MGAT4C: variants seen among roughly 807,000 people sequenced by gnomAD.
MGAT4C encodes the protein MGAT4 family member C.
A neutral mutation model predicts 40.1 loss-of-function variants in MGAT4C; 19 were observed. The observed-to-expected ratio is 0.47, with a 90% CI of 0.33 to 0.70. The LOEUF is 0.70. Ranked by LOEUF, MGAT4C falls within the 30% of genes least tolerant of loss-of-function variation. MGAT4C has a pLI of 0.02. For synonymous variants in MGAT4C, 181 were observed against 187.1 expected (o/e 0.97, Z 0.27); for missense variants, 491 against 563.2 (o/e 0.87, Z 1.30).
chr12:86,564,668 A>G (rs1446658829), intron 2 of MGAT4C, among the ~76,000 whole-genome samples: 3 of 152,182 alleles, frequency 2.0e-5, no homozygotes, highest in Non-Finnish European at 4.4e-5. Flanking sequence ...CTAAGGTGAA[A>G]GATAAGTTGC....
chr12:86,096,424 CCTTCCTTTTTTTT>C (rs949711802), intron 1 of MGAT4C, among the ~76,000 whole-genome samples: 4 of 150,600 alleles, frequency 2.7e-5, no homozygotes, highest in African/African-American at 7.3e-5. Context: ...CCTCCCCTTC[CCTTCCTTTTTTTT>C]CTTTCTTTCA....
At chr12:86,486,830 GT>G (rs1958028426) in intron 2 of MGAT4C, among the ~76,000 whole-genome samples, 2 of 152,150 alleles carry the variant, frequency 1.3e-5, no homozygotes, top group South Asian at 2.1e-4. Flanking sequence ...AAGACAGAGT[GT>G]TTTAACGTCA....
chr12:86,490,579 A>C (rs940167879), intron 2 of MGAT4C, among the ~76,000 whole-genome samples: 1 of 152,116 alleles, frequency 6.6e-6, no homozygotes, highest in Non-Finnish European at 1.5e-5. Flanking sequence ...AACAATATTA[A>C]CTTTAAATGT....
intron 1 of MGAT4C, among the ~76,000 whole-genome samples, chr12:86,193,665 C>G (rs886323471): frequency 3.3e-5 from 5 of 152,192 alleles, no homozygotes; most frequent in South Asian, 4.1e-4. Context: ...TATTTTTTAG[C>G]TCTCTAGTAA....
intron 3 of MGAT4C, among the ~76,000 whole-genome samples, chr12:86,415,812 A>G (rs1247585252): frequency 3.9e-5 from 6 of 152,062 alleles, no homozygotes. Context: ...ATGTCCATAC[A>G]ACAAATACAA....
intron 3 of MGAT4C, among the ~76,000 whole-genome samples, chr12:86,424,678 G>T (rs1956891945): frequency 6.6e-6 from 1 of 152,144 alleles, no homozygotes; most frequent in South Asian, 2.1e-4. Flanking sequence ...AATCTCATAT[G>T]CCAAGCACTA....
At chr12:86,515,346 T>A (rs1456672473) in intron 2 of MGAT4C, among the ~76,000 whole-genome samples, 1 of 152,086 alleles carries the variant, frequency 6.6e-6, no homozygotes, top group Non-Finnish European at 1.5e-5. Context: ...CAAAACTATT[T>A]CTCTTCCCAG....
chr12:86,461,603 T>G (rs1555192188), intron 2 of MGAT4C, among the ~76,000 whole-genome samples: 1 of 152,210 alleles, frequency 6.6e-6, no homozygotes, highest in Non-Finnish European at 1.5e-5. Context: ...ACAATTCTTT[T>G]GGTGGGCTTC....
intron 2 of MGAT4C, among the ~76,000 whole-genome samples, chr12:86,444,501 C>T (rs943012616): frequency 1.3e-5 from 2 of 152,128 alleles, no homozygotes; most frequent in Non-Finnish European, 2.9e-5. Context: ...ATATGATTCT[C>T]CATCTGCATA....
At chr12:86,675,812 CT>C (rs1460731473) in intron 2 of MGAT4C, among the ~76,000 whole-genome samples, 1 of 151,934 alleles carries the variant, frequency 6.6e-6, no homozygotes, top group Non-Finnish European at 1.5e-5. Context: ...AAATATTTGT[CT>C]TTTGTTCATA....
chr12:86,705,711 T>G (rs1445126966), intron 2 of MGAT4C, among the ~76,000 whole-genome samples: 1 of 152,128 alleles, frequency 6.6e-6, no homozygotes, highest in Non-Finnish European at 1.5e-5. Flanking sequence ...TTGATATTTA[T>G]GAAGTACAAA....
chr12:86,166,802 TA>T (rs1396101427), intron 1 of MGAT4C, among the ~76,000 whole-genome samples: 4 of 152,044 alleles, frequency 2.6e-5, no homozygotes, highest in African/African-American at 7.2e-5. Flanking sequence ...ATAACGTACA[TA>T]AAAAATTAAA....
At chr12:86,069,078 C>T (rs369701006) in intron 1 of MGAT4C, among the ~76,000 whole-genome samples, 23 of 151,798 alleles carry the variant, frequency 1.5e-4, no homozygotes, top group African/African-American at 1.9e-4. Flanking sequence ...TGCTGCGGTG[C>T]CCTCAGGGAT....
chr12:86,430,966 G>C (rs1957026804), intron 3 of MGAT4C, among the ~76,000 whole-genome samples: 1 of 152,196 alleles, frequency 6.6e-6, no homozygotes, highest in Non-Finnish European at 1.5e-5. Context: ...GTCACTGGGA[G>C]TGTTTCTTTG....
chr12:86,044,579 T>A (rs528450409), intron 2 of MGAT4C, among the ~76,000 whole-genome samples: 1 of 152,122 alleles, frequency 6.6e-6, no homozygotes, highest in African/African-American at 2.4e-5. Context: ...AAGTGAGTGC[T>A]GGCAAAGCAG....
At chr12:86,732,173 G>C (rs1260057501) in intron 1 of MGAT4C, among the ~76,000 whole-genome samples, 1 of 152,122 alleles carries the variant, frequency 6.6e-6, no homozygotes, top group African/African-American at 2.4e-5. Flanking sequence ...CATTCTGCTT[G>C]TCACTTTCAT....
intron 2 of MGAT4C, among the ~76,000 whole-genome samples, chr12:86,678,258 G>A (rs1565919975): frequency 1.3e-5 from 2 of 151,990 alleles, no homozygotes; most frequent in Non-Finnish European, 1.5e-5. Flanking sequence ...CATCCTACAT[G>A]AGCCTAAGAC....
At chr12:86,605,312 T>C (rs2136466670) in intron 2 of MGAT4C, among the ~76,000 whole-genome samples, 1 of 152,238 alleles carries the variant, frequency 6.6e-6, no homozygotes. Context: ...GGGAGTTTCA[T>C]GCTGCTCCAT....
At chr12:86,213,353 T>G (rs1950556089) in intron 1 of MGAT4C, among the ~76,000 whole-genome samples, 1 of 152,208 alleles carries the variant, frequency 6.6e-6, no homozygotes, top group Non-Finnish European at 1.5e-5. Context: ...AGAATCACTG[T>G]AATAGATTGA....
Sources: allele counts gnomAD v4.1 joint callset (sites outside exome capture counted in the v4.1 genomes callset), GRCh38; gene constraint gnomAD v4.1.1; transcripts MANE v1.5; gene names NCBI Gene and HGNC (gene_info 2026-07-23, HGNC 2026-07-21).